BAZ1A: variants seen among roughly 807,000 people sequenced by gnomAD.
BAZ1A encodes bromodomain adjacent to zinc finger domain 1A, also known as bromodomain adjacent to zinc finger domain protein 1A.
A neutral mutation model predicts 185.2 loss-of-function variants in BAZ1A; 50 were observed. The ratio of observed to expected loss-of-function variants is 0.27; its 90% CI spans 0.22 to 0.34. The LOEUF (loss-of-function observed/expected upper bound fraction) is 0.34, where lower values mean the gene tolerates loss of function less well. Among genes scored for constraint, BAZ1A ranks in the 10% least tolerant of loss-of-function variants. BAZ1A has a pLI of 1.00. For synonymous variants in BAZ1A, 571 were observed against 615.6 expected (o/e 0.93, Z 1.07); for missense variants, 1,356 against 1,839.9 (o/e 0.74, Z 4.81).
chr14:34,867,472 C>T (rs61988044), intron 2 of BAZ1A, among the ~76,000 whole-genome samples: 30,768 of 152,016 alleles, frequency 0.2, 3,771 homozygotes, highest in Non-Finnish European at 0.26. Context: ...GACAGCTAAA[C>T]GCAGTGAAGT....
In BAZ1A at chr14:34,752,967, C is replaced by CTAAA. The variant is rs952831371; in HGVS notation, c.*537_*540dup. The CTAAA allele has an allele frequency of 2.0e-5, 3 of 152,518 alleles. No homozygotes were observed. Among genetic ancestry groups the CTAAA allele is most frequent in the Non-Finnish European group, 4.4e-5 (3 of 68,026 alleles). 9.4% of individuals were successfully genotyped at this position (152,518 alleles called of 1,614,324 possible). On this transcript the variant is annotated 3_prime_UTR_variant, in exon 27 of 27. Coordinates refer to ENST00000360310, the MANE Select transcript of BAZ1A (RefSeq NM_013448.3). ...ACAAATTCACAAATTACTCTCAATA[C>CTAAA]TAAATAAATATCTAGTTAATAAACT...
chr14:34,832,213 C>CATATATATATATATAT (rs1491212993), intron 3 of BAZ1A, among the ~76,000 whole-genome samples: 25 of 78,678 alleles, frequency 3.2e-4, no homozygotes, highest in Admixed American at 6.7e-4. Flanking sequence ...CACACACACA[C>CATATATATATATATAT]ACATATATAT....
chr14:34,796,644 T>C (rs1198055328), intron 9 of BAZ1A, among the ~76,000 whole-genome samples: 1 of 152,252 alleles, frequency 6.6e-6, no homozygotes, highest in Non-Finnish European at 1.5e-5. Context: ...AAATATTAAC[T>C]GCTAAATGTC....
Position 34,807,472 on chromosome 14 carries a change from T to C in BAZ1A, c.705A>G (p.Gln235=). The C allele has an allele frequency of 6.2e-7, 1 of 1,611,186 alleles. No individual in the cohort carries two copies. The highest frequency in any genetic ancestry group is 8.5e-7 in the Non-Finnish European group (1 of 1,177,958). Residue 235 remains glutamine, a synonymous_variant, in exon 6 of 27, where the codon CAA becomes CAG. Transcript: ENST00000360310. Reference sequence around the variant, plus strand: ...TTACCTTTATTTTAATGACTCCATCTTGTGGTTCACAGTGTTGCTTCAGAA... The same window carrying C: ...TTACCTTTATTTTAATGACTCCATCCTGTGGTTCACAGTGTTGCTTCAGAA... ...KLFLKQHCEP[Q]DGVIKIKASS... is the part of the protein sequence containing the mutation.
intron 26 of BAZ1A, among the ~76,000 whole-genome samples, 153 bp downstream of exon 26, chr14:34,754,674 C>A (rs115652252): frequency 6.6e-6 from 1 of 151,818 alleles, no homozygotes; most frequent in Non-Finnish European, 1.5e-5. Flanking sequence ...CTTGTGGAAC[C>A]TCATGGAATG....
intron 24 of BAZ1A, among the ~76,000 whole-genome samples, chr14:34,761,543 T>C (rs936769889): frequency 6.6e-6 from 1 of 152,210 alleles, no homozygotes; most frequent in Non-Finnish European, 1.5e-5. Flanking sequence ...TGTAAGTTTA[T>C]TACCCTGCTT....
intron 3 of BAZ1A, among the ~76,000 whole-genome samples, chr14:34,854,211 G>T (rs1473591848): frequency 6.6e-6 from 1 of 152,106 alleles, no homozygotes. Flanking sequence ...TGGATCACTT[G>T]AGGTCAGGAG....
chr14:34,774,501 A>T lies in BAZ1A; in HGVS notation c.2834-11T>A. On this transcript the variant is annotated splice_polypyrimidine_tract_variant and intron_variant, in intron 18 of 26. Transcript: ENST00000360310. ...CAGGCTGAGGTTTGTCTGAAATAGT[A>T]ATCAAATACTTTTATTATGATTTTC... 1 of 1,538,290 alleles carries T rather than the reference A, an allele frequency of 6.5e-7. No homozygotes were observed. Among genetic ancestry groups the T allele is most frequent in the Non-Finnish European group, 8.7e-7 (1 of 1,144,138 alleles).
At chr14:34,830,958 T>C (rs772639112) in intron 3 of BAZ1A, among the ~76,000 whole-genome samples, 18 of 152,074 alleles carry the variant, frequency 1.2e-4, no homozygotes, top group Non-Finnish European at 2.2e-4. Context: ...GGTTTCTCCA[T>C]GTTGGCCAGG....
chr14:34,791,519 G>A (rs1401887402), intron 12 of BAZ1A, among the ~76,000 whole-genome samples: 1 of 152,136 alleles, frequency 6.6e-6, no homozygotes, highest in Non-Finnish European at 1.5e-5. Context: ...TTGAACTCAG[G>A]CTGTAAAATC....
chr14:34,857,006 TTTTC>T (rs2042691824), intron 3 of BAZ1A, among the ~76,000 whole-genome samples: 1 of 151,078 alleles, frequency 6.6e-6, no homozygotes, highest in Non-Finnish European at 1.5e-5. Context: ...TCTGCATCTT[TTTTC>T]TTTTTTTTTT....
chr14:34,825,447 C>CAAAAAAAAAAA lies in BAZ1A; in HGVS notation c.536+555_536+565dup, dbSNP rs35449855. Among the ~76,000 whole-genome samples, 95 of 55,422 alleles carry CAAAAAAAAAAA rather than the reference C, an allele frequency of 1.7e-3. 7 individuals carry two copies. Among genetic ancestry groups the CAAAAAAAAAAA allele is most frequent in the Middle Eastern group, 9.8e-3 (1 of 102 alleles). The allele number at this position is 55,422 out of a possible 152,430, so 36.4% of individuals were successfully genotyped here. ...GGGCAACAAGATGGAAACTCTGTCTCAAAAAAAAAAAAAAAAAAAAAAAAA... is the reference window on the plus strand; with the variant it reads ...GGGCAACAAGATGGAAACTCTGTCTCAAAAAAAAAAAAAAAAAAAAAAAAAAAAAAAAAAAA... On this transcript the variant is annotated intron_variant, in intron 4 of 26. Coordinates refer to ENST00000360310, the MANE Select transcript of BAZ1A (RefSeq NM_013448.3).
At chr14:34,868,080 A>G (rs1028127870) in intron 2 of BAZ1A, among the ~76,000 whole-genome samples, 1 of 152,210 alleles carries the variant, frequency 6.6e-6, no homozygotes, top group African/African-American at 2.4e-5. Context: ...CGCTCTTTCA[A>G]TCATCCTCTT....
chr14:34,847,363 A>G (rs1331910065), intron 3 of BAZ1A, among the ~76,000 whole-genome samples: 1 of 152,110 alleles, frequency 6.6e-6, no homozygotes, highest in African/African-American at 2.4e-5. Context: ...AGTAGTATAT[A>G]CAGAAGGAGC....
intron 2 of BAZ1A, among the ~76,000 whole-genome samples, chr14:34,873,339 A>G (rs1391819459): frequency 6.6e-6 from 1 of 152,156 alleles, no homozygotes; most frequent in Non-Finnish European, 1.5e-5. Flanking sequence ...AGCATAAGAA[A>G]AAGAGAGGAT....
intron 16 of BAZ1A, 76 bp downstream of exon 16, chr14:34,783,042 AT>A: frequency 8.7e-7 from 1 of 1,153,624 alleles, no homozygotes; most frequent in Non-Finnish European, 1.3e-6. Context: ...ATGTGAAAGC[AT>A]TTTTAGAGTT....
intron 23 of BAZ1A, among the ~76,000 whole-genome samples, chr14:34,763,974 T>C (rs771484736): frequency 6.6e-6 from 1 of 152,148 alleles, no homozygotes; most frequent in Non-Finnish European, 1.5e-5. Context: ...ATCCCTTTAT[T>C]TCGGCCCTCA....
chr14:34,800,992 A>G (rs942022817), intron 8 of BAZ1A, 102 bp downstream of exon 8: 17 of 795,292 alleles, frequency 2.1e-5, no homozygotes, highest in Non-Finnish European at 3.1e-5. Flanking sequence ...CTTCAAAACA[A>G]TTAACCAGAA....
chr14:34,857,375 T>C (rs1370295816), intron 3 of BAZ1A, among the ~76,000 whole-genome samples: 2 of 152,154 alleles, frequency 1.3e-5, no homozygotes, highest in African/African-American at 4.8e-5. Context: ...CATGATCATG[T>C]AGTCGGCTCA....
Sources: allele counts gnomAD v4.1 joint callset (sites outside exome capture counted in the v4.1 genomes callset), GRCh38; gene constraint gnomAD v4.1.1; transcripts MANE v1.5; gene names NCBI Gene and HGNC (gene_info 2026-07-23, HGNC 2026-07-21).